QSER1: variants seen among roughly 807,000 people sequenced by gnomAD.
The protein encoded by QSER1 is glutamine and serine-rich protein 1.
A neutral mutation model predicts 158.5 loss-of-function variants in QSER1; 49 were observed. That is an observed-to-expected ratio of 0.31 (90% CI 0.25 to 0.39). The LOEUF is 0.39. QSER1 is among the 10% of genes least tolerant of loss of function. The pLI, the probability that QSER1 is intolerant of heterozygous loss-of-function variation, is 1.00. For missense variants in QSER1, 1,754 were observed against 2,010.3 expected (o/e 0.87, Z 2.44); for synonymous variants, 650 against 715.5 (o/e 0.91, Z 1.46).
At chr11:32,920,895 G>C (rs954167555) in intron 1 of QSER1, among the ~76,000 whole-genome samples, 1 of 152,152 alleles carries the variant, frequency 6.6e-6, no homozygotes, top group Admixed American at 6.5e-5. Context: ...ATACTTTGCT[G>C]GTGGGAATGT....
At chr11:32,971,874 T>C (rs1233338652) in intron 10 of QSER1, among the ~76,000 whole-genome samples, 1 of 151,968 alleles carries the variant, frequency 6.6e-6, no homozygotes. Flanking sequence ...CCATCCTGGC[T>C]AACACAGAGA....
At chr11:32,964,777 C>A (rs1162923058) in intron 8 of QSER1, among the ~76,000 whole-genome samples, 1 of 144,166 alleles carries the variant, frequency 6.9e-6, no homozygotes, top group African/African-American at 2.7e-5. Context: ...CACACACACA[C>A]ACACATACAC....
chr11:32,939,317 T>C (rs1852196365), intron 4 of QSER1, among the ~76,000 whole-genome samples: 1 of 152,180 alleles, frequency 6.6e-6, no homozygotes, highest in African/African-American at 2.4e-5. Flanking sequence ...CTGGATAAAA[T>C]GGACTTGGCT....
chr11:32,899,506 A>G (rs1340567318), intron 1 of QSER1, among the ~76,000 whole-genome samples: 2 of 152,202 alleles, frequency 1.3e-5, no homozygotes, highest in Non-Finnish European at 2.9e-5. Flanking sequence ...AGTACCTGCA[A>G]TTGTTAAGGC....
At chr11:32,959,188 G>T (rs960261824) in intron 8 of QSER1, among the ~76,000 whole-genome samples, 1 of 152,200 alleles carries the variant, frequency 6.6e-6, no homozygotes, top group Non-Finnish European at 1.5e-5. Flanking sequence ...TTGGAACACA[G>T]CCGCATAGAT....
intron 4 of QSER1, among the ~76,000 whole-genome samples, chr11:32,949,365 C>T (rs1309396172): frequency 1.3e-5 from 2 of 151,934 alleles, no homozygotes; most frequent in African/African-American, 4.8e-5. Context: ...CTTAATTTAC[C>T]CATTATTTAT....
Position 32,975,265 on chromosome 11 carries a change from A to G in QSER1, c.5376A>G (p.Pro1792=), listed in dbSNP as rs201435593. The change falls in exon 12 of 13, where the codon CCA becomes CCG. Residue 1792 remains proline (P), a synonymous_variant. Coordinates refer to ENST00000650167, the MANE Select transcript of QSER1 (RefSeq NM_001076786.3). ...TKSAQEFAVD[P]EKIQLYSLYH... Reference sequence around the variant, plus strand: ...TTTTATAGGAGTTTGCTGTCGATCCAGAGAAAATACAGTTGTATTCTTTGT... The same window carrying G: ...TTTTATAGGAGTTTGCTGTCGATCCGGAGAAAATACAGTTGTATTCTTTGT... The G allele has an allele frequency of 5.7e-4, 896 of 1,567,046 alleles. No homozygotes were observed. The highest frequency in any genetic ancestry group is 7.2e-4 in the Non-Finnish European group (835 of 1,157,882).
chr11:32,927,547 A>C (rs1484966619), intron 2 of QSER1, among the ~76,000 whole-genome samples: 3 of 152,118 alleles, frequency 2.0e-5, no homozygotes, highest in African/African-American at 7.2e-5. Context: ...AGCTGGGACT[A>C]CAGGCACCTG....
chr11:32,928,488 C>T (rs889776307), intron 3 of QSER1, among the ~76,000 whole-genome samples: 3 of 152,066 alleles, frequency 2.0e-5, no homozygotes, highest in Non-Finnish European at 4.4e-5. Context: ...AATCTTGGGA[C>T]TCATTTCATT....
intron 1 of QSER1, among the ~76,000 whole-genome samples, chr11:32,902,742 G>C (rs1264103330): frequency 6.6e-6 from 1 of 152,180 alleles, no homozygotes; most frequent in Non-Finnish European, 1.5e-5. Context: ...TGCCATTGTA[G>C]GTGATAGTGT....
rs1339731464 is a variant in QSER1 at position 32,932,876 on chromosome 11, C to A, written c.1618C>A (p.Pro540Thr). Residue 540 changes from proline to threonine, a missense_variant, in exon 4 of 13, where the codon CCT (proline) becomes ACT (threonine). By Grantham distance (38) the Pro-to-Thr change is conservative. This residue lies in a region of QSER1 where 1,707 missense variants were observed against 1,919.6 expected (regional missense o/e 0.89). Transcript: ENST00000650167. The part of the protein sequence containing the change: ...VLSSVTNENY[P>T]AQTRDLSSVS... ...GTCTTCAGTTACAAATGAGAATTACCCTGCTCAAACAAGAGATCTGTCTTC... is the reference window on the plus strand; with the variant it reads ...GTCTTCAGTTACAAATGAGAATTACACTGCTCAAACAAGAGATCTGTCTTC... 1.2e-6 allele frequency: 2 copies of A among 1,613,846 alleles called. No individual in the cohort carries two copies. The highest frequency in any genetic ancestry group is 3.3e-5 in the Admixed American group (2 of 59,974).
intron 1 of QSER1, among the ~76,000 whole-genome samples, chr11:32,913,132 T>C (rs1441360279): frequency 3.3e-5 from 5 of 151,700 alleles, no homozygotes; most frequent in Non-Finnish European, 7.4e-5. Context: ...TTTTATCTTC[T>C]TGGAACCTTC....
chr11:32,971,446 G>T (rs1479059409), intron 10 of QSER1, among the ~76,000 whole-genome samples: 2 of 152,046 alleles, frequency 1.3e-5, no homozygotes, highest in Non-Finnish European at 2.9e-5. Flanking sequence ...GCATTTTGTG[G>T]TCATTGGAAA....
chr11:32,945,900 A>C (rs1350405357), intron 4 of QSER1, among the ~76,000 whole-genome samples: 1 of 150,428 alleles, frequency 6.6e-6, no homozygotes, highest in East Asian at 1.9e-4. Flanking sequence ...TGGTCTTTTC[A>C]CATAGTCCCA....
Position 32,935,312 on chromosome 11 carries a change from T to G in QSER1, c.4054T>G (p.Leu1352Val). Residue 1352 changes from leucine to valine, a missense_variant, in exon 4 of 13, where the codon TTG becomes GTG. Transcript: ENST00000650167. Reference sequence around the variant, plus strand: ...TAAAGTTGATAATGAACTTAAAAACTTGGAACATTTATCTTCATTTTCTTC... The same window carrying G: ...TAAAGTTGATAATGAACTTAAAAACGTGGAACATTTATCTTCATTTTCTTC... ...SDKVDNELKNLEHLSSFSSDE... is the reference protein window; with the variant it reads ...SDKVDNELKNVEHLSSFSSDE... The G allele has an allele frequency of 6.2e-7, 1 of 1,613,962 alleles. No individual in the cohort carries two copies. The highest frequency in any genetic ancestry group is 8.5e-7 in the Non-Finnish European group (1 of 1,179,898).
chr11:32,934,692 G>A lies in QSER1; in HGVS notation c.3434G>A (p.Gly1145Glu), dbSNP rs1477798026. 6.2e-7 allele frequency: 1 copy of A among 1,613,874 alleles called. No homozygotes were observed. Among genetic ancestry groups the A allele is most frequent in the Non-Finnish European group, 8.5e-7 (1 of 1,179,914 alleles). ...EFVSSSRSISGENATSESEFT... is the reference protein window; with the variant it reads ...EFVSSSRSISEENATSESEFT... ...GTTTCTAGTAGTAGAAGTATAAGTG[G>A]AGAGAATGCTACATCAGAGAGTGAA... Residue 1145 changes from glycine (G) to glutamate (E), a missense_variant, in exon 4 of 13, where the codon GGA becomes GAA. Gly to Glu is a moderately conservative substitution (Grantham distance 98). Coordinates refer to ENST00000650167, the MANE Select transcript of QSER1 (RefSeq NM_001076786.3).
chr11:32,976,219 G>A (rs1852974154), intron 12 of QSER1, 115 bp from the exon 13 acceptor site: 5 of 942,946 alleles, frequency 5.3e-6, no homozygotes, highest in Non-Finnish European at 7.3e-6. Flanking sequence ...AAATTTAGCT[G>A]AAATAATCAT....
chr11:32,951,899 G>A (rs1042247100), intron 4 of QSER1, among the ~76,000 whole-genome samples: 2 of 146,958 alleles, frequency 1.4e-5, no homozygotes, highest in African/African-American at 2.5e-5. Context: ...GTGCAGTGGT[G>A]AGATCGTGGC....
At position 32,975,325 on chromosome 11, in the gene QSER1, T is replaced by C. The variant is rs767089708; in HGVS notation, c.5436T>C (p.Tyr1812=). The change falls in exon 12 of 13, where the codon TAT becomes TAC. Residue 1812 remains tyrosine, a synonymous_variant. Coordinates refer to ENST00000650167, the MANE Select transcript of QSER1 (RefSeq NM_001076786.3). The part of the protein sequence containing the change: ...HSLHHYKYHV[Y]LICKDEISSV... ...TCCATCATTATAAGTACCATGTTTATCTGATATGTAAGGATGAGGTAATTT... is the reference window on the plus strand; with the variant it reads ...TCCATCATTATAAGTACCATGTTTACCTGATATGTAAGGATGAGGTAATTT... 6.3e-7 allele frequency: 1 copy of C among 1,596,282 alleles called. No individual in the cohort carries two copies. Among genetic ancestry groups the C allele is most frequent in the South Asian group, 1.1e-5 (1 of 90,674 alleles).
Sources: allele counts gnomAD v4.1 joint callset (sites outside exome capture counted in the v4.1 genomes callset), GRCh38; gene constraint gnomAD v4.1.1; regional missense constraint gnomAD v4.1.1; transcripts MANE v1.5; gene names NCBI Gene and HGNC (gene_info 2026-07-23, HGNC 2026-07-21).